FAM168A: variants seen among roughly 807,000 people sequenced by gnomAD.
The protein encoded by FAM168A is protein FAM168A.
In FAM168A, 3 loss-of-function variants were observed where a neutral mutation model predicts 28.5. The observed-to-expected ratio is 0.11, with a 90% CI of 0.05 to 0.27. The LOEUF is 0.27. Among genes scored for constraint, FAM168A ranks in the 10% least tolerant of loss-of-function variants. The pLI, the probability that FAM168A is intolerant of heterozygous loss-of-function variation, is 1.00. For synonymous variants in FAM168A, 122 were observed against 124.2 expected (o/e 0.98, Z 0.12); for missense variants, 222 against 311.5 (o/e 0.71, Z 2.16).
Position 73,411,575 on chromosome 11 carries a change from C to G in FAM168A, c.278-39G>C, listed in dbSNP as rs752903882. The G allele has an allele frequency of 2.5e-6, 4 of 1,612,332 alleles. No individual in the cohort carries two copies. The South Asian group carries it at 4.4e-5, about 18-fold the overall frequency. Reference sequence around the variant, plus strand: ...ATAAGAGAGACTTCCAGTTAGTTGGCAGAAAAGCATTGCTAGAAGGCAGCA... The same window carrying G: ...ATAAGAGAGACTTCCAGTTAGTTGGGAGAAAAGCATTGCTAGAAGGCAGCA... On this transcript the variant is annotated intron_variant, in intron 4 of 7. Transcript: ENST00000356467.
At chr11:73,407,666 G>T in intron 6 of FAM168A, 23 bp from the exon 7 acceptor site, 1 of 1,588,310 alleles carries the variant, frequency 6.3e-7, no homozygotes, top group Non-Finnish European at 8.6e-7. Flanking sequence ...AGAGAGAAGA[G>T]TAACCTGACG....
intron 2 of FAM168A, among the ~76,000 whole-genome samples, chr11:73,436,423 T>C (rs564704484): frequency 1.3e-5 from 2 of 152,166 alleles, no homozygotes; most frequent in East Asian, 1.9e-4. Context: ...AGCAGGAGAA[T>C]ACTTAGGCAA....
rs541604384 is a variant in FAM168A at position 73,426,939 on chromosome 11, T to C, written c.151+3751A>G. ...AATATGTTGACTTTTAAAAACAAAA[T>C]TGGGGACAATCAAGTTAGATGAGGG... is the stretch of plus-strand genomic sequence containing the variant. On this transcript the variant is annotated intron_variant, in intron 3 of 7. Coordinates refer to ENST00000356467, the MANE Select transcript of FAM168A (RefSeq NM_015159.3). Among the ~76,000 whole-genome samples, 4 of 152,238 alleles carry C rather than the reference T, an allele frequency of 2.6e-5. No homozygotes were observed. In the South Asian group the frequency reaches 6.2e-4, roughly 24 times the overall value.
intron 4 of FAM168A, among the ~76,000 whole-genome samples, chr11:73,412,490 G>C (rs1278085293): frequency 6.6e-6 from 1 of 152,152 alleles, no homozygotes; most frequent in African/African-American, 2.4e-5. Context: ...CAGATCCTTT[G>C]TTCACAGAAA....
chr11:73,447,029 C>G (rs1187997634), intron 2 of FAM168A, among the ~76,000 whole-genome samples: 1 of 152,222 alleles, frequency 6.6e-6, no homozygotes, highest in African/African-American at 2.4e-5. Context: ...TGGCATTTTA[C>G]ACTTCAACAA....
At chr11:73,577,545 G>C (rs1047341647) in intron 1 of FAM168A, among the ~76,000 whole-genome samples, 2 of 152,190 alleles carry the variant, frequency 1.3e-5, no homozygotes, top group Non-Finnish European at 2.9e-5. Flanking sequence ...GTCATGGGAG[G>C]ATGCAGATGA....
chr11:73,557,795 C>A (rs1009614184), intron 1 of FAM168A, among the ~76,000 whole-genome samples: 1 of 152,170 alleles, frequency 6.6e-6, no homozygotes, highest in Non-Finnish European at 1.5e-5. Flanking sequence ...ATCGATACAG[C>A]ATGGTACTCG....
intron 1 of FAM168A, among the ~76,000 whole-genome samples, chr11:73,473,628 T>C (rs1867846214): frequency 6.6e-6 from 1 of 152,194 alleles, no homozygotes; most frequent in African/African-American, 2.4e-5. Flanking sequence ...TGCTTGTGCC[T>C]CTGGGTCTTT....
At chr11:73,416,752 C>G (rs1189472228) in intron 4 of FAM168A, among the ~76,000 whole-genome samples, 1 of 152,048 alleles carries the variant, frequency 6.6e-6, no homozygotes, top group Non-Finnish European at 1.5e-5. Context: ...CGAGACCAGC[C>G]TAGGCAATGT....
At chr11:73,560,565 A>G (rs1943946373) in intron 1 of FAM168A, among the ~76,000 whole-genome samples, 1 of 152,238 alleles carries the variant, frequency 6.6e-6, no homozygotes, top group Non-Finnish European at 1.5e-5. Flanking sequence ...GACTAAGGCT[A>G]TCAACCTGCC....
chr11:73,444,711 G>A (rs1249647522), intron 2 of FAM168A, among the ~76,000 whole-genome samples: 1 of 152,078 alleles, frequency 6.6e-6, no homozygotes. Context: ...TACCAACAGG[G>A]CATTAGCTGA....
intron 2 of FAM168A, among the ~76,000 whole-genome samples, chr11:73,454,912 G>A (rs1374192182): frequency 6.6e-6 from 1 of 152,178 alleles, no homozygotes; most frequent in Non-Finnish European, 1.5e-5. Flanking sequence ...AATTCGTTTA[G>A]GCTACCTCAT....
chr11:73,466,354 C>T (rs1431864323), intron 2 of FAM168A, among the ~76,000 whole-genome samples: 1 of 152,192 alleles, frequency 6.6e-6, no homozygotes, highest in Non-Finnish European at 1.5e-5. Context: ...ACAGAAAGCA[C>T]ATATACTTTG....
intron 1 of FAM168A, among the ~76,000 whole-genome samples, chr11:73,569,915 A>G (rs1005786045): frequency 6.6e-6 from 1 of 152,166 alleles, no homozygotes; most frequent in Admixed American, 6.5e-5. Flanking sequence ...CAGGGGAAAA[A>G]AATATGAGAT....
At chr11:73,514,421 A>G (rs901452525) in intron 1 of FAM168A, among the ~76,000 whole-genome samples, 1 of 152,250 alleles carries the variant, frequency 6.6e-6, no homozygotes, top group Non-Finnish European at 1.5e-5. Context: ...AAGGACATAC[A>G]TAGTGTTTGA....
intron 2 of FAM168A, among the ~76,000 whole-genome samples, chr11:73,465,738 A>C (rs1409825374): frequency 6.6e-6 from 1 of 152,200 alleles, no homozygotes; most frequent in Non-Finnish European, 1.5e-5. Context: ...TTCAACATAC[A>C]GATTTTGGAG....
At position 73,400,943 on chromosome 11, in the gene FAM168A, CAACAA is replaced by C. The variant is rs1235746519; in HGVS notation, c.*5815_*5819del. 2 of 152,046 alleles carry C rather than the reference CAACAA, an allele frequency of 1.3e-5. No individual in the cohort carries two copies. Among genetic ancestry groups the C allele is most frequent in the Non-Finnish European group, 2.9e-5 (2 of 68,006 alleles). The allele number at this position is 152,046 out of a possible 1,614,324, so 9.4% of individuals were successfully genotyped here. A position where few individuals can be genotyped will look rare whatever the true frequency, so the allele number is the denominator to read the frequency against. On this transcript the variant is annotated 3_prime_UTR_variant, in exon 8 of 8. Coordinates refer to ENST00000356467, the MANE Select transcript of FAM168A (RefSeq NM_015159.3). ...AACAAAAACCCAAAAGAATCCAAAACAACAAAACAAAACCAGATTTACACTTCATA... is the reference window on the plus strand; with the variant it reads ...AACAAAAACCCAAAAGAATCCAAAACAACAAAACCAGATTTACACTTCATA...
chr11:73,595,594 T>C (rs1293605208), intron 1 of FAM168A, among the ~76,000 whole-genome samples: 1 of 152,212 alleles, frequency 6.6e-6, no homozygotes, highest in Admixed American at 6.5e-5. Context: ...TAGAACTGTT[T>C]CTCTAAAGAT....
intron 2 of FAM168A, among the ~76,000 whole-genome samples, chr11:73,455,149 T>C (rs1278453281): frequency 6.6e-6 from 1 of 152,234 alleles, no homozygotes; most frequent in Non-Finnish European, 1.5e-5. Context: ...GGACACTGCC[T>C]TGGGGCCCGC....
Sources: allele counts gnomAD v4.1 joint callset (sites outside exome capture counted in the v4.1 genomes callset), GRCh38; gene constraint gnomAD v4.1.1; transcripts MANE v1.5; gene names NCBI Gene and HGNC (gene_info 2026-07-23, HGNC 2026-07-21).